The following CPB1 variants were observed in gnomAD, a reference collection of about 807,000 sequenced individuals.
The protein encoded by CPB1 is carboxypeptidase B.
A neutral mutation model predicts 51.4 loss-of-function variants in CPB1; 53 were observed. The observed-to-expected ratio is 1.03, with a 90% CI of 0.83 to 1.30. CPB1 has a LOEUF of 1.30. Among genes scored for constraint, CPB1 ranks in the 50% most tolerant of loss-of-function variants. The pLI is 0.00. For synonymous variants in CPB1, 189 were observed against 186.9 expected, an observed-to-expected ratio of 1.01 and a Z score of -0.09; for missense variants, 494 against 516.2, an observed-to-expected ratio of 0.96 and a Z score of 0.42.
At chr3:148,849,800 C>T (rs536262550) in intron 9 of CPB1, among the ~76,000 whole-genome samples, 1 of 152,236 alleles carries the variant, frequency 6.6e-6, no homozygotes, top group Non-Finnish European at 1.5e-5. Flanking sequence ...TTCTCATTTT[C>T]CAGCTGAGGC....
At chr3:148,838,949 T>C (rs1712993210) in intron 3 of CPB1, among the ~76,000 whole-genome samples, 1 of 152,150 alleles carries the variant, frequency 6.6e-6, no homozygotes, top group Non-Finnish European at 1.5e-5. Context: ...AAAATCATTG[T>C]TCCTAACTAT....
chr3:148,854,621 C>T (rs1713523553), intron 9 of CPB1: 1 of 152,220 alleles, frequency 6.6e-6, no homozygotes, highest in African/African-American at 2.4e-5. Context: ...AAGCTCAGCA[C>T]TCTGTACCTC....
intron 5 of CPB1, 29 bp from the exon 6 acceptor site, chr3:148,841,794 G>GAA: frequency 6.3e-7 from 1 of 1,584,402 alleles, no homozygotes; most frequent in Admixed American, 1.7e-5. Flanking sequence ...GATGAATCAT[G>GAA]GTTTCCCTTT....
Position 148,841,816 on chromosome 3 carries a change from G to A in CPB1, c.475-7G>A. 6.2e-7 allele frequency: 1 copy of A among 1,611,992 alleles called. No individual in the cohort carries two copies. Among genetic ancestry groups the A allele is most frequent in the Non-Finnish European group, 8.5e-7 (1 of 1,178,234 alleles). On this transcript the variant is annotated splice_region_variant and splice_polypyrimidine_tract_variant and intron_variant, in intron 5 of 10. Coordinates refer to ENST00000282957, the MANE Select transcript of CPB1 (RefSeq NM_001871.3). ...CATGGTTTCCCTTTTCCTTTTGTTT[G>A]CAATAGGTTGGCAAAGCTGGACAAA... is the stretch of plus-strand genomic sequence containing the variant.
chr3:148,846,826 T>TAC (rs1713265156), intron 9 of CPB1, among the ~76,000 whole-genome samples: 2 of 111,490 alleles, frequency 1.8e-5, no homozygotes, highest in Non-Finnish European at 3.6e-5. Context: ...TATATATATA[T>TAC]ATATATATAT....
chr3:148,837,781 G>C (rs1198804565), intron 3 of CPB1, among the ~76,000 whole-genome samples: 1 of 151,962 alleles, frequency 6.6e-6, no homozygotes, highest in Non-Finnish European at 1.5e-5. Context: ...CAAGTTACTA[G>C]AGGATATTTT....
chr3:148,860,148 G>A lies in CPB1; in HGVS notation c.*146G>A, dbSNP rs984736618. ...TCTATTAAACTAGGTAGATCTTTTC[G>A]TATTGATCATAATAAAAGTGAATCA... On this transcript the variant is annotated 3_prime_UTR_variant, in exon 11 of 11. Transcript: ENST00000282957. 17 of 704,574 alleles carry A rather than the reference G, an allele frequency of 2.4e-5. No homozygotes were observed. Among genetic ancestry groups the A allele is most frequent in the South Asian group, 6.0e-5 (3 of 49,948 alleles). The allele number at this position is 704,574 out of a possible 1,614,324, so 43.6% of individuals were successfully genotyped here.
chr3:148,845,247 T>C (rs1713199523), intron 8 of CPB1, among the ~76,000 whole-genome samples, 177 bp from the exon 9 acceptor site: 1 of 152,064 alleles, frequency 6.6e-6, no homozygotes, highest in Non-Finnish European at 1.5e-5. Context: ...AAACATACCA[T>C]CCTAATCCTG....
chr3:148,828,106 T>A, intron 2 of CPB1, 29 bp downstream of exon 2: 2 of 1,560,824 alleles, frequency 1.3e-6, no homozygotes, highest in Non-Finnish European at 1.8e-6. Context: ...TTACTTCACA[T>A]CTAATTTAAA....
intron 3 of CPB1, among the ~76,000 whole-genome samples, chr3:148,836,776 C>G (rs1712918366): frequency 6.6e-6 from 1 of 152,086 alleles, no homozygotes; most frequent in Non-Finnish European, 1.5e-5. Context: ...CAGCAATATC[C>G]TTGCTGGGGT....
intron 9 of CPB1, among the ~76,000 whole-genome samples, chr3:148,847,392 A>AC (rs1353102972): frequency 6.6e-6 from 1 of 150,708 alleles, no homozygotes; most frequent in African/African-American, 2.4e-5. Flanking sequence ...AAAAAAAAAA[A>AC]AAAAGACAAG....
At chr3:148,857,432 T>G (rs1713611954) in intron 9 of CPB1, 25 bp from the exon 10 acceptor site, 1 of 1,589,212 alleles carries the variant, frequency 6.3e-7, no homozygotes, top group East Asian at 2.2e-5. Context: ...ATTTATTTCC[T>G]TACTTATTCC....
chr3:148,841,908 A>G lies in CPB1; in HGVS notation c.560A>G (p.Gln187Arg). The G allele has an allele frequency of 6.2e-7, 1 of 1,613,450 alleles. No homozygotes were observed. The highest frequency in any genetic ancestry group is 1.1e-5 in the South Asian group (1 of 91,034). ...AREWISPAFC[Q>R]WFVREAVRTY... ...GAGTGGATTTCTCCTGCATTCTGCC[A>G]GTGGTTTGTAAGAGAGGTCAGTGTG... Residue 187 changes from glutamine to arginine, a missense_variant, in exon 6 of 11, where the codon CAG becomes CGG. Transcript: ENST00000282957.
At chr3:148,834,654 TC>T (rs1712842127) in intron 3 of CPB1, 32 bp downstream of exon 3, 1 of 1,584,458 alleles carries the variant, frequency 6.3e-7, no homozygotes, top group African/African-American at 1.3e-5. Context: ...ATTAAAATTC[TC>T]TCCCATGCAT....
chr3:148,841,238 A>C (rs991977557), intron 5 of CPB1, among the ~76,000 whole-genome samples: 1 of 152,194 alleles, frequency 6.6e-6, no homozygotes, highest in African/African-American at 2.4e-5. Context: ...AAGCAACGTA[A>C]ATGATTATCT....
chr3:148,847,041 C>G (rs1454691464), intron 9 of CPB1, among the ~76,000 whole-genome samples: 3 of 148,702 alleles, frequency 2.0e-5, no homozygotes, highest in Non-Finnish European at 3.0e-5. Flanking sequence ...TGTGCCATAT[C>G]AGAAGAGAAA....
chr3:148,859,934 G>A lies in CPB1; in HGVS notation c.1186G>A (p.Ala396Thr). 6.2e-7 allele frequency: 1 copy of A among 1,614,132 alleles called. No homozygotes were observed. The highest frequency in any genetic ancestry group is 8.5e-7 in the Non-Finnish European group (1 of 1,180,010). The change falls in exon 11 of 11, where the codon GCT (alanine) becomes ACT (threonine). Residue 396 changes from alanine (A) to threonine (T), a missense_variant. Ala to Thr is a moderately conservative substitution (Grantham distance 58, BLOSUM62 0). Coordinates refer to ENST00000282957, the MANE Select transcript of CPB1 (RefSeq NM_001871.3). ...TCTCCTTCCAGAATCCCAGATCCGG[G>A]CTACCTGCGAGGAGACCTTCCTGGC... is the stretch of plus-strand genomic sequence containing the variant. ...GFLLPESQIR[A>T]TCEETFLAIK...
At chr3:148,841,344 C>A (rs1256285825) in intron 5 of CPB1, among the ~76,000 whole-genome samples, 1 of 152,154 alleles carries the variant, frequency 6.6e-6, no homozygotes, top group Non-Finnish European at 1.5e-5. Context: ...TTACAAAGCA[C>A]ATCAACAATT....
At chr3:148,850,728 T>G (rs1265469966) in intron 9 of CPB1, among the ~76,000 whole-genome samples, 1 of 152,198 alleles carries the variant, frequency 6.6e-6, no homozygotes, top group Admixed American at 6.5e-5. Flanking sequence ...AGGCAGACAG[T>G]TGCAGGGCCA....
Sources: allele counts gnomAD v4.1 joint callset (sites outside exome capture counted in the v4.1 genomes callset), GRCh38; gene constraint gnomAD v4.1.1; transcripts MANE v1.5; gene names NCBI Gene and HGNC (gene_info 2026-07-23, HGNC 2026-07-21).